The following RORA variants were observed in gnomAD, a reference collection of about 807,000 sequenced individuals.
RORA encodes nuclear receptor ROR-alpha.
In RORA, 7 loss-of-function variants were observed where a neutral mutation model predicts 69.5. That is an observed-to-expected ratio of 0.10 (90% CI 0.06 to 0.19). RORA has a LOEUF of 0.19. Ranked by LOEUF, RORA falls within the 10% of genes least tolerant of loss-of-function variation. The pLI, the probability that RORA is intolerant of heterozygous loss-of-function variation, is 1.00. For missense variants in RORA, 457 were observed against 663.0 expected (o/e 0.69, Z 3.41); for synonymous variants, 261 against 240.8 (o/e 1.08, Z -0.78).
rs777475795 is a variant in RORA, at chr15:60,905,757, G to C, written c.167-227071C>G. 6.6e-6 allele frequency among the ~76,000 whole-genome samples: 1 copy of C among 152,174 alleles called. No individual in the cohort carries two copies. Among genetic ancestry groups the C allele is most frequent in the Non-Finnish European group, 1.5e-5 (1 of 68,026 alleles). On this transcript the variant is annotated intron_variant, in intron 1 of 10. Coordinates refer to ENST00000335670, the MANE Select transcript of RORA (RefSeq NM_134261.3). The surrounding 1 kb of genome is among the most constrained non-coding windows in gnomAD (Gnocchi z 4.8). Reference sequence around the variant, plus strand: ...AAGTAGGGTCACCTGTGCTGAGCAGGTTAGAGCCGGCCTGGTTCTTGGGGC... The same window carrying C: ...AAGTAGGGTCACCTGTGCTGAGCAGCTTAGAGCCGGCCTGGTTCTTGGGGC...
intron 1 of RORA, among the ~76,000 whole-genome samples, chr15:60,704,293 G>A (rs191463285): frequency 1.4e-4 from 21 of 152,328 alleles, no homozygotes; most frequent in Middle Eastern, 3.4e-3. Context: ...GGGCCACACC[G>A]GCATGCGGTT....
intron 1 of RORA, among the ~76,000 whole-genome samples, chr15:60,840,444 C>A (rs1194335303): frequency 6.6e-6 from 1 of 152,230 alleles, no homozygotes; most frequent in African/African-American, 2.4e-5. Flanking sequence ...AGGCCTTTTG[C>A]CCTTAACCAG....
intron 1 of RORA, among the ~76,000 whole-genome samples, chr15:60,865,451 T>C (rs1007355665): frequency 1.3e-5 from 2 of 152,204 alleles, no homozygotes; most frequent in African/African-American, 4.8e-5. Flanking sequence ...GGTTTTTGCT[T>C]GGAGCCAAAT....
chr15:60,951,289 A>C (rs1011865804), intron 1 of RORA, among the ~76,000 whole-genome samples: 53 of 135,530 alleles, frequency 3.9e-4, no homozygotes, highest in African/African-American at 1.4e-3. Context: ...CATTCAAAGC[A>C]GTGTGTAGAG....
intron 2 of RORA, among the ~76,000 whole-genome samples, chr15:60,549,555 T>G (rs1272087397): frequency 6.6e-6 from 1 of 152,242 alleles, no homozygotes; most frequent in East Asian, 1.9e-4. Flanking sequence ...TAGTATACTA[T>G]TTTTAATATC....
intron 1 of RORA, among the ~76,000 whole-genome samples, chr15:60,886,304 T>C (rs576414384): frequency 2.8e-4 from 42 of 152,286 alleles, no homozygotes; most frequent in African/African-American, 9.1e-4. Flanking sequence ...CGGGATTTCA[T>C]TGAAGTGACT....
At chr15:60,955,840 TA>T (rs1024747884) in intron 1 of RORA, among the ~76,000 whole-genome samples, 3 of 152,252 alleles carry the variant, frequency 2.0e-5, no homozygotes, top group African/African-American at 7.2e-5. Flanking sequence ...TTTTTTAGTT[TA>T]TCCATTTTGT....
chr15:61,032,700 T>C (rs893213438), intron 1 of RORA, among the ~76,000 whole-genome samples: 4 of 152,152 alleles, frequency 2.6e-5, no homozygotes, highest in Admixed American at 1.3e-4. Flanking sequence ...AGCCCAGACA[T>C]CTACCTATTC....
intron 1 of RORA, among the ~76,000 whole-genome samples, chr15:60,832,069 T>C (rs533394691): frequency 6.6e-5 from 10 of 152,348 alleles, no homozygotes; most frequent in African/African-American, 2.4e-4. Flanking sequence ...TTGTATGTTA[T>C]CGCAAAGACA....
intron 1 of RORA, among the ~76,000 whole-genome samples, chr15:60,788,471 C>T (rs576361630): frequency 2.0e-4 from 30 of 152,314 alleles, no homozygotes; most frequent in African/African-American, 5.5e-4. Flanking sequence ...TGCTATGTGA[C>T]GTGTGCTTGA....
chr15:60,750,259 T>G (rs1019452323), intron 1 of RORA, among the ~76,000 whole-genome samples: 1 of 152,204 alleles, frequency 6.6e-6, no homozygotes, highest in African/African-American at 2.4e-5. Context: ...CCAGGTCATA[T>G]CTACAGCTGA....
At chr15:60,744,631 C>A (rs1448057352) in intron 1 of RORA, among the ~76,000 whole-genome samples, 1 of 152,154 alleles carries the variant, frequency 6.6e-6, no homozygotes, top group Non-Finnish European at 1.5e-5. Context: ...CCATGAGAAT[C>A]AAGTAAGATA....
intron 1 of RORA, among the ~76,000 whole-genome samples, chr15:61,076,616 T>C (rs2078453748): frequency 6.6e-6 from 1 of 152,228 alleles, no homozygotes; most frequent in African/African-American, 2.4e-5. Context: ...CAAAATTCCC[T>C]GGGAAGTCTC....
At position 60,516,163 on chromosome 15, in the gene RORA, A is replaced by T. The variant is rs1398883719; in HGVS notation, c.283-1406T>A. Among the ~76,000 whole-genome samples the T allele has an allele frequency of 2.6e-4, 8 of 30,900 alleles. 1 individual carries two copies. Among genetic ancestry groups the T allele is most frequent in the African/African-American group, 4.9e-4 (3 of 6,070 alleles). 20.3% of individuals were successfully genotyped at this position (30,900 alleles called of 152,430 possible). ...TATATATATTTATATATATATATTT[A>T]TATATATATTTATATATATATTTAT... On this transcript the variant is annotated intron_variant, in intron 3 of 10. Coordinates refer to ENST00000335670, the MANE Select transcript of RORA (RefSeq NM_134261.3).
chr15:60,773,165 T>C (rs1224276210), intron 1 of RORA, among the ~76,000 whole-genome samples: 1 of 152,214 alleles, frequency 6.6e-6, no homozygotes, highest in African/African-American at 2.4e-5. Context: ...TGATCCATCT[T>C]GACAAGTCTA....
At chr15:60,744,039 A>T (rs192995634) in intron 1 of RORA, among the ~76,000 whole-genome samples, 135 of 151,948 alleles carry the variant, frequency 8.9e-4, no homozygotes, top group African/African-American at 3.0e-3. Context: ...AAAATATAAG[A>T]ATCAGAAAGC....
At chr15:60,575,430 T>A (rs2067997344) in intron 2 of RORA, among the ~76,000 whole-genome samples, 1 of 152,122 alleles carries the variant, frequency 6.6e-6, no homozygotes, top group Admixed American at 6.5e-5. Flanking sequence ...CTCTGTGAAG[T>A]GGTGGTACAA....
At chr15:61,148,367 T>C (rs1362516084) in intron 1 of RORA, among the ~76,000 whole-genome samples, 1 of 152,176 alleles carries the variant, frequency 6.6e-6, no homozygotes, top group Non-Finnish European at 1.5e-5. Flanking sequence ...ATTCAGAAGA[T>C]GGTGCCGGAA....
At chr15:61,105,788 G>T (rs1449518209) in intron 1 of RORA, among the ~76,000 whole-genome samples, 2 of 152,138 alleles carry the variant, frequency 1.3e-5, no homozygotes, top group Non-Finnish European at 2.9e-5. Flanking sequence ...TCTTTTAAAA[G>T]AACAAAAGTG....
Sources: gnomAD v4.1 joint callset for allele counts (sites outside exome capture counted in the v4.1 genomes callset) on GRCh38, gnomAD v4.1.1 for gene constraint, Gnocchi (gnomAD v3.1) non-coding constraint, MANE v1.5 for transcripts, NCBI Gene and HGNC (gene_info 2026-07-23, HGNC 2026-07-21) for gene names.